NME7: variants seen among roughly 807,000 people sequenced by gnomAD.
NME7 encodes the protein nucleoside diphosphate kinase 7.
A neutral mutation model predicts 49.1 loss-of-function variants in NME7; 41 were observed. The observed-to-expected ratio is 0.83, with a 90% CI of 0.65 to 1.08. The LOEUF (loss-of-function observed/expected upper bound fraction) is 1.08, where lower values mean the gene tolerates loss of function less well. Among genes scored for constraint, NME7 ranks in the 50% least tolerant of loss-of-function variants. The pLI is 0.00. For synonymous variants in NME7, 139 were observed against 150.6 expected (o/e 0.92, Z 0.56); for missense variants, 423 against 463.4 (o/e 0.91, Z 0.80).
At chr1:169,205,158 C>T (rs753851473) in intron 10 of NME7, among the ~76,000 whole-genome samples, 4 of 152,210 alleles carry the variant, frequency 2.6e-5, no homozygotes, top group Non-Finnish European at 5.9e-5. Context: ...AAAAACAATA[C>T]TTACTATTAT....
chr1:169,233,525 C>A (rs185117407), intron 9 of NME7, among the ~76,000 whole-genome samples: 19 of 152,030 alleles, frequency 1.2e-4, no homozygotes, highest in Non-Finnish European at 1.5e-5. Context: ...TTACGATACA[C>A]AACATCAAAG....
At chr1:169,207,098 G>T (rs1488461526) in intron 10 of NME7, among the ~76,000 whole-genome samples, 1 of 152,118 alleles carries the variant, frequency 6.6e-6, no homozygotes, top group Non-Finnish European at 1.5e-5. Context: ...CATGGTACCA[G>T]CATCTGCTTC....
At chr1:169,150,006 T>C (rs1658863980) in intron 11 of NME7, among the ~76,000 whole-genome samples, 1 of 152,188 alleles carries the variant, frequency 6.6e-6, no homozygotes, top group Admixed American at 6.5e-5. Flanking sequence ...TCCATTCAAT[T>C]ATAAAATACT....
chr1:169,247,978 T>G (rs1419772029), intron 7 of NME7, among the ~76,000 whole-genome samples: 1 of 152,180 alleles, frequency 6.6e-6, no homozygotes, highest in African/African-American at 2.4e-5. Context: ...TAATCACTTA[T>G]TTTCCTTTGG....
chr1:169,192,518 G>A (rs1410519685), intron 10 of NME7, among the ~76,000 whole-genome samples: 1 of 151,786 alleles, frequency 6.6e-6, no homozygotes, highest in Non-Finnish European at 1.5e-5. Flanking sequence ...TTTTATATCA[G>A]GGACTTGAGC....
At chr1:169,250,356 T>C (rs1171666721) in intron 7 of NME7, among the ~76,000 whole-genome samples, 1 of 152,078 alleles carries the variant, frequency 6.6e-6, no homozygotes, top group East Asian at 1.9e-4. Context: ...TACTTTAACC[T>C]CTCCTGGTTA....
chr1:169,192,089 G>A (rs1340046195), intron 10 of NME7, among the ~76,000 whole-genome samples: 1 of 152,200 alleles, frequency 6.6e-6, no homozygotes, highest in African/African-American at 2.4e-5. Context: ...CCAAAAAGGT[G>A]TAAAGAGACT....
chr1:169,139,461 T>C (rs532840329), intron 11 of NME7, among the ~76,000 whole-genome samples: 22 of 152,346 alleles, frequency 1.4e-4, no homozygotes, highest in African/African-American at 5.1e-4. Flanking sequence ...AGCCTGGCTG[T>C]TGGAATTTGA....
chr1:169,179,295 A>G (rs1166681272), intron 10 of NME7, among the ~76,000 whole-genome samples: 2 of 152,238 alleles, frequency 1.3e-5, no homozygotes, highest in Non-Finnish European at 2.9e-5. Flanking sequence ...TATTATTAAA[A>G]AGTCAAAAAA....
At chr1:169,310,202 T>C (rs896681520) in intron 3 of NME7, 122 bp from the exon 4 acceptor site, 1 of 630,082 alleles carries the variant, frequency 1.6e-6, no homozygotes, top group South Asian at 2.0e-5. Flanking sequence ...ATTAATTGTA[T>C]AGAAAAGTGT....
At chr1:169,160,039 C>T (rs1370844870) in intron 11 of NME7, among the ~76,000 whole-genome samples, 1 of 152,134 alleles carries the variant, frequency 6.6e-6, no homozygotes, top group Non-Finnish European at 1.5e-5. Context: ...ACACTGGCTA[C>T]CTCCTTCCAT....
At chr1:169,287,482 G>T in intron 6 of NME7, 74 bp from the exon 7 acceptor site, 1 of 1,024,830 alleles carries the variant, frequency 9.8e-7, no homozygotes, top group South Asian at 2.1e-5. Flanking sequence ...CTGTGGGGGA[G>T]GAGAATCATG....
intron 7 of NME7, chr1:169,286,941 T>C (rs1181879112): frequency 6.5e-6 from 1 of 153,058 alleles, no homozygotes; most frequent in Non-Finnish European, 1.2e-5. Flanking sequence ...ACAACAGAAC[T>C]AGACTCTGTC....
chr1:169,145,900 G>C (rs1320966), intron 11 of NME7, among the ~76,000 whole-genome samples: 17,125 of 152,192 alleles, frequency 0.11, 2,199 homozygotes, highest in East Asian at 0.73. Flanking sequence ...TAGTGGGCCT[G>C]AAGAAGAAAG....
At chr1:169,251,298 G>C (rs1375953052) in intron 7 of NME7, among the ~76,000 whole-genome samples, 2 of 151,786 alleles carry the variant, frequency 1.3e-5, no homozygotes, top group African/African-American at 2.4e-5. Flanking sequence ...ACCTACTCCT[G>C]CTCACTTTTG....
intron 6 of NME7, among the ~76,000 whole-genome samples, chr1:169,294,489 C>T (rs188058776): frequency 1.1e-4 from 16 of 152,230 alleles, no homozygotes; most frequent in African/African-American, 3.9e-4. Flanking sequence ...AAAAATTAGA[C>T]AATAACTAAT....
At chr1:169,161,839 A>G (rs1659255082) in intron 11 of NME7, among the ~76,000 whole-genome samples, 1 of 152,230 alleles carries the variant, frequency 6.6e-6, no homozygotes, top group South Asian at 2.1e-4. Context: ...ATGTAGACCT[A>G]GGTTCTATAA....
Position 169,217,812 on chromosome 1 carries a change from C to T in NME7, c.990+12906G>A, listed in dbSNP as rs559485262. On this transcript the variant is annotated intron_variant, in intron 10 of 11. Coordinates refer to ENST00000367811, the MANE Select transcript of NME7 (RefSeq NM_013330.5). ...TGGTGTAGCCTTTTTGTGCTGGTTG[C>T]GGCTTCACTGTTTACTTCCTCACCT... Among the ~76,000 whole-genome samples the T allele has an allele frequency of 2.9e-4, 44 of 152,232 alleles. No homozygotes were observed. In the South Asian group the frequency reaches 3.1e-3, roughly 11 times the overall value.
chr1:169,353,227 C>T (rs1434079915), intron 1 of NME7, among the ~76,000 whole-genome samples: 1 of 151,912 alleles, frequency 6.6e-6, no homozygotes, highest in Admixed American at 6.6e-5. Context: ...ATAGAGAACC[C>T]TGAAACAAAT....
Sources: allele counts gnomAD v4.1 joint callset (sites outside exome capture counted in the v4.1 genomes callset), GRCh38; gene constraint gnomAD v4.1.1; transcripts MANE v1.5; gene names NCBI Gene and HGNC (gene_info 2026-07-23, HGNC 2026-07-21).